The following ANKS1B variants were observed in gnomAD, a reference collection of about 807,000 sequenced individuals.
The protein encoded by ANKS1B is ankyrin repeat and sterile alpha motif domain containing 1B, also known as ankyrin repeat and sterile alpha motif domain-containing protein 1B.
In ANKS1B, 36 loss-of-function variants were observed where a neutral mutation model predicts 148.3. That is an observed-to-expected ratio of 0.24 (90% CI 0.19 to 0.32). The LOEUF (loss-of-function observed/expected upper bound fraction) is 0.32. Ranked by LOEUF, ANKS1B falls within the 10% of genes least tolerant of loss-of-function variation. The probability of loss-of-function intolerance (pLI) is 1.00; values close to 1 mark genes in which losing one functional copy is unlikely to be tolerated. For synonymous variants in ANKS1B, 542 were observed against 560.8 expected (o/e 0.97, Z 0.47); for missense variants, 1,157 against 1,542.6 (o/e 0.75, Z 4.19).
chr12:98,941,015 A>C (rs1166729590), intron 17 of ANKS1B, among the ~76,000 whole-genome samples: 1 of 152,198 alleles, frequency 6.6e-6, no homozygotes, highest in Non-Finnish European at 1.5e-5. Context: ...TATATTCTAT[A>C]AGGTCACTAC....
chr12:99,769,168 G>A (rs1301477171), intron 8 of ANKS1B, among the ~76,000 whole-genome samples: 1 of 152,064 alleles, frequency 6.6e-6, no homozygotes, highest in Non-Finnish European at 1.5e-5. Flanking sequence ...AAAAATTCTA[G>A]TTTTGTGGTG....
intron 19 of ANKS1B, among the ~76,000 whole-genome samples, chr12:98,814,586 G>A (rs1288662901): frequency 1.3e-5 from 2 of 152,190 alleles, no homozygotes; most frequent in Non-Finnish European, 2.9e-5. Context: ...GCCGAAGAGA[G>A]AAGGAACATT....
At chr12:99,684,646 C>T (rs2098639532) in intron 8 of ANKS1B, among the ~76,000 whole-genome samples, 2 of 152,082 alleles carry the variant, frequency 1.3e-5, no homozygotes, top group Admixed American at 1.3e-4. Context: ...AAGAATAAAT[C>T]TGGAAGCATC....
At chr12:98,970,798 A>T (rs2099882477) in intron 17 of ANKS1B, among the ~76,000 whole-genome samples, 2 of 152,214 alleles carry the variant, frequency 1.3e-5, no homozygotes, top group African/African-American at 2.4e-5. Context: ...CATTATTGAT[A>T]TACCACTTCT....
At chr12:99,265,278 G>C (rs1017463911) in intron 12 of ANKS1B, among the ~76,000 whole-genome samples, 8 of 151,998 alleles carry the variant, frequency 5.3e-5, no homozygotes, top group African/African-American at 1.9e-4. Flanking sequence ...TCTGGGGGTG[G>C]GCCCCAGAAA....
chr12:99,765,905 C>A (rs1167080358), intron 8 of ANKS1B, among the ~76,000 whole-genome samples: 1 of 152,116 alleles, frequency 6.6e-6, no homozygotes, highest in Admixed American at 6.5e-5. Flanking sequence ...AAATATCAAG[C>A]AACTTCCAAA....
chr12:99,258,628 T>TTA (rs2075579482), intron 12 of ANKS1B, among the ~76,000 whole-genome samples: 1 of 150,280 alleles, frequency 6.7e-6, no homozygotes, highest in African/African-American at 2.4e-5. Flanking sequence ...TTTTTTTTTT[T>TTA]ACTTATAATG....
intron 14 of ANKS1B, among the ~76,000 whole-genome samples, chr12:99,232,452 T>G (rs1009285088): frequency 1.3e-5 from 2 of 152,228 alleles, no homozygotes; most frequent in Non-Finnish European, 2.9e-5. Context: ...TATGAGATTA[T>G]CTGTCACCCT....
At chr12:99,162,773 T>C (rs950832022) in intron 14 of ANKS1B, among the ~76,000 whole-genome samples, 3 of 152,154 alleles carry the variant, frequency 2.0e-5, no homozygotes, top group Non-Finnish European at 4.4e-5. Flanking sequence ...CTTATAAAAA[T>C]TCTACTGGCC....
intron 1 of ANKS1B, among the ~76,000 whole-genome samples, chr12:99,845,345 T>C (rs903427336): frequency 2.0e-5 from 3 of 152,210 alleles, no homozygotes; most frequent in African/African-American, 7.2e-5. Context: ...TCACTCAGTA[T>C]AATATTGGCT....
At chr12:98,817,327 G>C (rs1165357544) in intron 19 of ANKS1B, among the ~76,000 whole-genome samples, 1 of 152,234 alleles carries the variant, frequency 6.6e-6, no homozygotes, top group African/African-American at 2.4e-5. Flanking sequence ...CCTGTCAAAG[G>C]ATGGAGTCAA....
chr12:99,188,922 A>C (rs1340605303), intron 14 of ANKS1B, among the ~76,000 whole-genome samples: 1 of 152,100 alleles, frequency 6.6e-6, no homozygotes, highest in Non-Finnish European at 1.5e-5. Context: ...TTTTCTGAAA[A>C]GATCAACAAA....
chr12:99,837,429 G>A (rs762202176), intron 1 of ANKS1B, among the ~76,000 whole-genome samples: 8 of 152,140 alleles, frequency 5.3e-5, no homozygotes, highest in Non-Finnish European at 1.0e-4. Flanking sequence ...AATATGAGAC[G>A]TTCAGACCTT....
In ANKS1B at chr12:99,805,263, C is replaced by CA. The variant is rs58248573; in HGVS notation, c.669+1140dup. On this transcript the variant is annotated intron_variant, in intron 4 of 26. Coordinates refer to ENST00000683438, the MANE Select transcript of ANKS1B (RefSeq NM_001352186.2). ...AAATAACCATGAAAGGAGGAAAAGG[C>CA]AAAAAAAAAAAAAAAAAAAAAAAAA... 1.5e-3 allele frequency among the ~76,000 whole-genome samples: 44 copies of CA among 28,912 alleles called. 3 individuals carry two copies. Among genetic ancestry groups the CA allele is most frequent in the East Asian group, 5.0e-3 (4 of 802 alleles). 19.0% of individuals were successfully genotyped at this position (28,912 alleles called of 152,430 possible).
chr12:98,867,227 G>T (rs1390970948), intron 17 of ANKS1B, among the ~76,000 whole-genome samples: 1 of 152,088 alleles, frequency 6.6e-6, no homozygotes, highest in Non-Finnish European at 1.5e-5. Flanking sequence ...GGATTACTCT[G>T]ATCCCTCTTT....
At chr12:99,617,708 T>C (rs2097986450) in intron 9 of ANKS1B, among the ~76,000 whole-genome samples, 1 of 151,824 alleles carries the variant, frequency 6.6e-6, no homozygotes, top group South Asian at 2.1e-4. Flanking sequence ...AAAACCTAGA[T>C]GATGGGTTGA....
intron 12 of ANKS1B, among the ~76,000 whole-genome samples, chr12:99,321,912 A>T (rs1370813071): frequency 6.6e-6 from 1 of 152,214 alleles, no homozygotes; most frequent in Non-Finnish European, 1.5e-5. Context: ...GTTGGTGGGA[A>T]TGTAAATGAG....
At chr12:98,873,600 T>C (rs182527056) in intron 17 of ANKS1B, among the ~76,000 whole-genome samples, 15 of 152,322 alleles carry the variant, frequency 9.8e-5, no homozygotes, top group African/African-American at 3.6e-4. Context: ...GAAAAGGTTA[T>C]ACCCTTGTGC....
intron 9 of ANKS1B, among the ~76,000 whole-genome samples, chr12:99,534,310 AGCAAT>A (rs1567294763): frequency 6.6e-6 from 1 of 152,218 alleles, no homozygotes. Context: ...AGTCCCACAT[AGCAAT>A]GAATGTTTCT....
Sources: allele counts gnomAD v4.1 joint callset (sites outside exome capture counted in the v4.1 genomes callset), GRCh38; gene constraint gnomAD v4.1.1; transcripts MANE v1.5; gene names NCBI Gene and HGNC (gene_info 2026-07-23, HGNC 2026-07-21).